The following STK24 variants were observed in gnomAD, a reference collection of about 807,000 sequenced individuals.
The protein encoded by STK24 is serine/threonine kinase 24, also known as serine/threonine-protein kinase 24.
In STK24, 21 loss-of-function variants were observed where a neutral mutation model predicts 55.6. The ratio of observed to expected loss-of-function variants is 0.38; its 90% confidence interval spans 0.27 to 0.54. The LOEUF (loss-of-function observed/expected upper bound fraction) is 0.54, where lower values mean the gene tolerates loss of function less well. Among genes scored for constraint, STK24 ranks in the 20% least tolerant of loss-of-function variants. The pLI, the probability that STK24 is intolerant of heterozygous loss-of-function variation, is 0.79. For missense variants in STK24, 383 were observed against 538.4 expected, an observed-to-expected ratio of 0.71 and a Z score of 2.86; for synonymous variants, 200 against 215.2, an observed-to-expected ratio of 0.93 and a Z score of 0.62.
intron 2 of STK24, among the ~76,000 whole-genome samples, chr13:98,483,027 GCTA>G (rs1481128732): frequency 1.3e-5 from 2 of 152,240 alleles, no homozygotes; most frequent in African/African-American, 4.8e-5. Flanking sequence ...CTCTCTTCAA[GCTA>G]CTCAGCCCTC....
intron 2 of STK24, among the ~76,000 whole-genome samples, chr13:98,484,121 G>A (rs562326174): frequency 6.6e-6 from 1 of 152,282 alleles, no homozygotes; most frequent in Admixed American, 6.5e-5. Context: ...GTGATCCCAG[G>A]TTCTGATTTC....
At chr13:98,489,931 AG>A (rs1203790973) in intron 2 of STK24, among the ~76,000 whole-genome samples, 2 of 152,262 alleles carry the variant, frequency 1.3e-5, no homozygotes, top group African/African-American at 2.4e-5. Flanking sequence ...AGAAAAGCAA[AG>A]TAAAAGCAAT....
chr13:98,474,091 A>T (rs759609682), intron 5 of STK24, among the ~76,000 whole-genome samples: 25 of 152,334 alleles, frequency 1.6e-4, no homozygotes, highest in Admixed American at 4.6e-4. Context: ...GTGCGAACTG[A>T]AGTTAAACCA....
rs762452335 is a variant in STK24, at chr13:98,449,163, G to C, written c.*4010C>G. 3 of 152,168 alleles carry C rather than the reference G, an allele frequency of 2.0e-5. No individual in the cohort carries two copies. The highest frequency in any genetic ancestry group is 4.4e-5 in the Non-Finnish European group (3 of 68,036). 9.4% of individuals were successfully genotyped at this position (152,168 alleles called of 1,614,324 possible). ...GTGTCATTGATCAGCACCATTTGTG[G>C]TATGTTCCGTGATGAGCGTTTAGTG... On this transcript the variant is annotated 3_prime_UTR_variant, in exon 11 of 11. Transcript: ENST00000539966.
At chr13:98,491,647 T>C (rs967687921) in intron 2 of STK24, among the ~76,000 whole-genome samples, 1 of 150,122 alleles carries the variant, frequency 6.7e-6, no homozygotes, top group African/African-American at 2.5e-5. Context: ...GCCAAAGATT[T>C]ATTTCAAGGA....
intron 3 of STK24, among the ~76,000 whole-genome samples, chr13:98,476,576 C>G (rs1284332198): frequency 1.3e-5 from 2 of 152,276 alleles, no homozygotes; most frequent in Admixed American, 1.3e-4. Flanking sequence ...GCATCCGACT[C>G]AGGCGTGCAC....
At chr13:98,519,606 G>C (rs920618958) in intron 1 of STK24, 133 bp from the exon 2 acceptor site, 4 of 731,758 alleles carry the variant, frequency 5.5e-6, no homozygotes, top group Non-Finnish European at 9.1e-6. Flanking sequence ...TCCAGCATCA[G>C]GCTGGTGGTG....
At chr13:98,522,170 A>G (rs1896285976) in intron 1 of STK24, 1 of 917,836 alleles carries the variant, frequency 1.1e-6, no homozygotes, top group Non-Finnish European at 1.3e-6. Context: ...GTAACTTTCC[A>G]GTCCTTTAGC....
chr13:98,532,590 T>C (rs1008583771), intron 1 of STK24, among the ~76,000 whole-genome samples: 1 of 152,170 alleles, frequency 6.6e-6, no homozygotes, highest in Non-Finnish European at 1.5e-5. Context: ...GGTGAACTAG[T>C]TGGTTAATCT....
At chr13:98,457,485 T>G (rs1391987654) in intron 9 of STK24, among the ~76,000 whole-genome samples, 181 bp from the exon 10 acceptor site, 299 of 111,472 alleles carry the variant, frequency 2.7e-3, no homozygotes, top group African/African-American at 8.9e-3. Flanking sequence ...TTTTTTTTTT[T>G]GTGAGACGGA....
At chr13:98,500,506 A>G (rs1424135800) in intron 2 of STK24, among the ~76,000 whole-genome samples, 1 of 152,164 alleles carries the variant, frequency 6.6e-6, no homozygotes, top group Non-Finnish European at 1.5e-5. Flanking sequence ...GAATACTGTA[A>G]CAGAAACCTG....
chr13:98,552,099 T>A (rs1897173285), intron 1 of STK24, among the ~76,000 whole-genome samples: 1 of 152,208 alleles, frequency 6.6e-6, no homozygotes, highest in African/African-American at 2.4e-5. Flanking sequence ...CCACATTAGT[T>A]ACCCCTGGGG....
intron 1 of STK24, among the ~76,000 whole-genome samples, chr13:98,521,324 T>G (rs542736313): frequency 1.2e-3 from 185 of 152,290 alleles, no homozygotes; most frequent in African/African-American, 4.4e-3. Context: ...GCACTACATT[T>G]CAAATGTCTT....
At chr13:98,469,176 C>G (rs906483844) in intron 5 of STK24, among the ~76,000 whole-genome samples, 2 of 152,210 alleles carry the variant, frequency 1.3e-5, no homozygotes, top group Non-Finnish European at 2.9e-5. Flanking sequence ...TGAGAAAACC[C>G]CTGCTGGCCC....
At chr13:98,477,831 G>A (rs920451780) in intron 3 of STK24, among the ~76,000 whole-genome samples, 1 of 152,030 alleles carries the variant, frequency 6.6e-6, no homozygotes, top group South Asian at 2.1e-4. Flanking sequence ...ACGGCAGAGC[G>A]GCCTGCTGTC....
intron 1 of STK24, among the ~76,000 whole-genome samples, chr13:98,539,121 TTTTCCA>T (rs1489628912): frequency 2.0e-4 from 30 of 152,074 alleles, no homozygotes; most frequent in African/African-American, 5.8e-4. Flanking sequence ...TTGTACACAA[TTTTCCA>T]TTTCCATTCG....
At chr13:98,483,617 T>TC (rs929209213) in intron 2 of STK24, among the ~76,000 whole-genome samples, 2 of 152,126 alleles carry the variant, frequency 1.3e-5, no homozygotes, top group Non-Finnish European at 2.9e-5. Flanking sequence ...TCACTTGTCT[T>TC]CCCTCCCCAC....
intron 2 of STK24, among the ~76,000 whole-genome samples, chr13:98,502,516 G>T (rs571881981): frequency 6.6e-6 from 1 of 152,276 alleles, no homozygotes; most frequent in African/African-American, 2.4e-5. Flanking sequence ...TAGGAGGTGG[G>T]GCCTTATAAG....
chr13:98,465,812 G>A (rs1250731289), intron 6 of STK24, among the ~76,000 whole-genome samples: 2 of 152,192 alleles, frequency 1.3e-5, no homozygotes, highest in African/African-American at 4.8e-5. Context: ...TCAAAGAAAT[G>A]TCCTAATTCA....
Sources: gnomAD v4.1 joint callset for allele counts (sites outside exome capture counted in the v4.1 genomes callset) on GRCh38, gnomAD v4.1.1 for gene constraint, MANE v1.5 for transcripts, NCBI Gene and HGNC (gene_info 2026-07-23, HGNC 2026-07-21) for gene names.